ZFAT: variants seen among roughly 807,000 people sequenced by gnomAD.
ZFAT encodes the protein zinc finger and AT-hook domain containing.
In ZFAT, 64 loss-of-function variants were observed where a neutral mutation model predicts 117.7. That is an observed-to-expected ratio of 0.54 (90% CI 0.44 to 0.67). The LOEUF (loss-of-function observed/expected upper bound fraction) is 0.67, where lower values mean the gene tolerates loss of function less well. Among genes scored for constraint, ZFAT ranks in the 30% least tolerant of loss-of-function variants. The pLI, the probability that ZFAT is intolerant of heterozygous loss-of-function variation, is 0.00. For missense variants in ZFAT, 1,433 were observed against 1,584.5 expected, an observed-to-expected ratio of 0.90 and a Z score of 1.62; for synonymous variants, 679 against 615.0, an observed-to-expected ratio of 1.10 and a Z score of -1.54.
At chr8:134,566,393 C>CAAAAAAAAAAAAAAAAAAAAAA (rs57041885) in intron 10 of ZFAT, among the ~76,000 whole-genome samples, 1 of 77,288 alleles carries the variant, frequency 1.3e-5, no homozygotes, top group African/African-American at 4.6e-5. Flanking sequence ...GACTCCAACT[C>CAAAAAAAAAAAAAAAAAAAAAA]AAAAAAAAAA....
upstream of ZFAT, chr8:134,713,162 G>C (rs908658999): frequency 6.4e-6 from 2 of 310,628 alleles, no homozygotes; most frequent in Non-Finnish European, 1.2e-5. Context: ...GTCGGAGGCC[G>C]TGCTTTTTAT....
intron 10 of ZFAT, chr8:134,565,637 A>T (rs979931792): frequency 1.5e-6 from 1 of 659,486 alleles, no homozygotes; most frequent in Admixed American, 2.4e-5. Context: ...AGGGAGAGGC[A>T]CAGCCAGCTC....
At chr8:134,696,609 G>A (rs185213304) in intron 1 of ZFAT, 11 of 986,236 alleles carry the variant, frequency 1.1e-5, no homozygotes, top group African/African-American at 1.0e-4. Context: ...ACCCACCCGC[G>A]CTTCTCTCCA....
intron 10 of ZFAT, among the ~76,000 whole-genome samples, chr8:134,572,928 C>A (rs1045057287): frequency 6.6e-6 from 1 of 152,144 alleles, no homozygotes; most frequent in Non-Finnish European, 1.5e-5. Context: ...TGGTAAAACT[C>A]AAAATCATAA....
chr8:134,743,830 C>T, the ZFAT span, among the ~76,000 whole-genome samples: 4 of 152,218 alleles, frequency 2.6e-5, no homozygotes, highest in Non-Finnish European at 4.4e-5. Context: ...ACTTGCCAGG[C>T]TCCTGGGGAG....
At chr8:134,587,314 A>G (rs1826136442) in intron 9 of ZFAT, among the ~76,000 whole-genome samples, 1 of 152,124 alleles carries the variant, frequency 6.6e-6, no homozygotes, top group Admixed American at 6.5e-5. Context: ...AGTAGCTTCC[A>G]ACCTTGGAAT....
chr8:134,710,094 G>C (rs569561356), intron 1 of ZFAT, among the ~76,000 whole-genome samples: 1 of 152,260 alleles, frequency 6.6e-6, no homozygotes, highest in East Asian at 1.9e-4. Flanking sequence ...ATATGTCCAG[G>C]GTTCTTTTTT....
chr8:134,668,617 A>C (rs903849462), intron 1 of ZFAT, among the ~76,000 whole-genome samples: 6 of 152,362 alleles, frequency 3.9e-5, no homozygotes, highest in African/African-American at 1.4e-4. Context: ...CACCATCATC[A>C]AAGACCAAAG....
At chr8:134,646,692 T>A in intron 2 of ZFAT, among the ~76,000 whole-genome samples, 1 of 145,202 alleles carries the variant, frequency 6.9e-6, no homozygotes, top group Non-Finnish European at 1.5e-5. Context: ...CACAAATGAA[T>A]TAAATTTTGA....
At chr8:134,526,778 A>T (rs1361047174) in intron 12 of ZFAT, among the ~76,000 whole-genome samples, 2 of 151,980 alleles carry the variant, frequency 1.3e-5, no homozygotes, top group Non-Finnish European at 2.9e-5. Context: ...GCTTCCTGAA[A>T]CTCTTGGGTC....
At chr8:134,653,168 T>A (rs1179388235) in intron 2 of ZFAT, among the ~76,000 whole-genome samples, 1 of 146,360 alleles carries the variant, frequency 6.8e-6, no homozygotes, top group Non-Finnish European at 1.5e-5. Flanking sequence ...TTTTTTTTCA[T>A]TATTATTATT....
At chr8:134,545,147 G>A (rs1344676937) in intron 11 of ZFAT, among the ~76,000 whole-genome samples, 1 of 152,198 alleles carries the variant, frequency 6.6e-6, no homozygotes, top group Non-Finnish European at 1.5e-5. Flanking sequence ...AAAGAAACGG[G>A]TGAACTAGGG....
At chr8:134,565,574 A>G (rs1824391302) in intron 10 of ZFAT, 153 bp from the exon 11 acceptor site, 4 of 760,980 alleles carry the variant, frequency 5.3e-6, no homozygotes, top group Non-Finnish European at 9.0e-6. Flanking sequence ...GCACAGGCAC[A>G]ATGCAGCATG....
chr8:134,556,462 C>T (rs572733462), intron 11 of ZFAT, among the ~76,000 whole-genome samples: 1 of 151,892 alleles, frequency 6.6e-6, no homozygotes, highest in East Asian at 1.9e-4. Context: ...GGATATCAAC[C>T]CACAGAAGCT....
At chr8:134,513,744 A>C (rs1243720482) in intron 13 of ZFAT, among the ~76,000 whole-genome samples, 1 of 152,238 alleles carries the variant, frequency 6.6e-6, no homozygotes, top group African/African-American at 2.4e-5. Context: ...AGGACTTCAG[A>C]CAAAATCTAC....
chr8:134,739,928 A>G, the ZFAT span, among the ~76,000 whole-genome samples: 1 of 152,226 alleles, frequency 6.6e-6, no homozygotes, highest in African/African-American at 2.4e-5. Context: ...CTGTCTGCCT[A>G]TGGATGACCA....
chr8:134,526,999 G>A (rs79055657), intron 12 of ZFAT, among the ~76,000 whole-genome samples: 4,791 of 152,124 alleles, frequency 0.031, 115 homozygotes, highest in Middle Eastern at 0.088. Context: ...AAAACGATGT[G>A]ATTCAGTTCA....
rs1454984361 is a variant in ZFAT, at chr8:134,532,969, A to G, written c.2980T>C (p.Phe994Leu). Residue 994 changes from phenylalanine (F) to leucine (L), a missense_variant, in exon 12 of 16, where the codon TTC (phenylalanine) becomes CTC (leucine). Phe to Leu is a conservative substitution (Grantham distance 22). Transcript: ENST00000377838. ...GAGTAATGGCAATGGGCACAGCGGA[A>G]AGGCTGCGGGGACAATGAGGAGGGG... Reference protein sequence around the residue: ...HMEQHVSFKPFRCAHCHYSCN... With the variant: ...HMEQHVSFKPLRCAHCHYSCN... The G allele has an allele frequency of 6.2e-7, 1 of 1,601,914 alleles. No homozygotes were observed. Among genetic ancestry groups the G allele is most frequent in the Admixed American group, 1.7e-5 (1 of 58,192 alleles).
At chr8:134,717,467 T>C (rs947607477), upstream of ZFAT, among the ~76,000 whole-genome samples, 8 of 44,220 alleles carry the variant, frequency 1.8e-4, no homozygotes, top group Admixed American at 1.5e-3. Context: ...ATAACAACTC[T>C]TTTTTTTTTT....
Sources: allele counts gnomAD v4.1 joint callset (sites outside exome capture counted in the v4.1 genomes callset), GRCh38; gene constraint gnomAD v4.1.1; transcripts MANE v1.5; gene names NCBI Gene and HGNC (gene_info 2026-07-23, HGNC 2026-07-21).